The following CARF variants were observed in gnomAD, a reference collection of about 807,000 sequenced individuals.
CARF encodes the protein calcium responsive transcription factor, also known as calcium-responsive transcription factor.
A neutral mutation model predicts 82.0 loss-of-function variants in CARF; 57 were observed. That is an observed-to-expected ratio of 0.70 (90% CI 0.56 to 0.87). The LOEUF (loss-of-function observed/expected upper bound fraction) is 0.87. Among genes scored for constraint, CARF ranks in the 40% least tolerant of loss-of-function variants. CARF has a pLI of 0.00. For missense variants in CARF, 771 were observed against 855.8 expected (o/e 0.90, Z 1.24); for synonymous variants, 268 against 290.1 (o/e 0.92, Z 0.77).
intron 3 of CARF, among the ~76,000 whole-genome samples, chr2:202,940,707 T>G (rs1375374926): frequency 6.6e-6 from 1 of 152,184 alleles, no homozygotes; most frequent in Non-Finnish European, 1.5e-5. Context: ...ACCAGCTATT[T>G]GTCCCAACTT....
At chr2:202,956,877 C>T (rs1345286791) in intron 8 of CARF, among the ~76,000 whole-genome samples, 1 of 152,160 alleles carries the variant, frequency 6.6e-6, no homozygotes, top group South Asian at 2.1e-4. Context: ...CAACCTCCAC[C>T]TCCCAGGTTC....
chr2:202,952,415 C>G, intron 5 of CARF, 144 bp from the exon 6 acceptor site: 2 of 778,048 alleles, frequency 2.6e-6, no homozygotes, highest in Non-Finnish European at 3.8e-6. Flanking sequence ...GTTTATGTGC[C>G]TCAATGTTTT....
chr2:202,973,932 CA>C (rs2059919043), intron 12 of CARF, among the ~76,000 whole-genome samples: 1 of 151,524 alleles, frequency 6.6e-6, no homozygotes, highest in Admixed American at 6.6e-5. Flanking sequence ...ACTAAAAATA[CA>C]AAAAATTAGC....
chr2:202,949,516 T>TTTATTTTTATTA (rs2058658060), intron 5 of CARF, among the ~76,000 whole-genome samples: 1 of 91,656 alleles, frequency 1.1e-5, no homozygotes, highest in Admixed American at 1.1e-4. Context: ...TTGTTATTTA[T>TTTATTTTTATTA]TTATTATTAT....
At position 202,952,429 on chromosome 2, in the gene CARF, C is replaced by G. The variant is rs1037312181; in HGVS notation, c.307-130C>G. 3 of 869,884 alleles carry G rather than the reference C, an allele frequency of 3.4e-6. No individual in the cohort carries two copies. The African/African-American group carries it at 5.1e-5, about 15-fold the overall frequency. 53.9% of individuals were successfully genotyped at this position (869,884 alleles called of 1,614,324 possible). ...TGTTTATGTGCCTCAATGTTTTCAT[C>G]TATAAAATGGGGGAAATCATAGAAT... On this transcript the variant is annotated intron_variant, in intron 5 of 16. Coordinates refer to ENST00000438828, the MANE Select transcript of CARF (RefSeq NM_024744.17).
chr2:202,938,497 C>G (rs991321233), intron 3 of CARF: 2 of 150,820 alleles, frequency 1.3e-5, no homozygotes, highest in Admixed American at 6.6e-5. Flanking sequence ...TCTTGAACTC[C>G]TGGCATCAAG....
chr2:202,972,674 T>TAAAAAAA (rs35376227), intron 12 of CARF, among the ~76,000 whole-genome samples: 3 of 103,008 alleles, frequency 2.9e-5, no homozygotes, highest in African/African-American at 3.8e-5. Context: ...AGACTCCGTC[T>TAAAAAAA]AAAAAAAAAA....
At chr2:202,917,301 T>C (rs541667289) in intron 1 of CARF, among the ~76,000 whole-genome samples, 1 of 150,704 alleles carries the variant, frequency 6.6e-6, no homozygotes, top group South Asian at 2.1e-4. Context: ...TAAAATCCAC[T>C]TTTTAAATGT....
chr2:202,966,898 C>T (rs2059575538), intron 9 of CARF, 80 bp from the exon 10 acceptor site: 4 of 1,375,930 alleles, frequency 2.9e-6, no homozygotes, highest in South Asian at 1.5e-5. Flanking sequence ...TTGACATTGC[C>T]ACCACCAAGT....
rs751792145 is a variant in CARF, at chr2:202,969,869, T to C, written c.954-50T>C. ...GACTTCTGGTTGATAAGATAGATTA[T>C]CTTGAGATTATAATATAATGAAACA... is the stretch of plus-strand genomic sequence containing the variant. On this transcript the variant is annotated intron_variant, in intron 10 of 16. Coordinates refer to ENST00000438828, the MANE Select transcript of CARF (RefSeq NM_024744.17). The C allele has an allele frequency of 5.9e-6, 7 of 1,194,640 alleles. No homozygotes were observed. In the South Asian group the frequency reaches 1.3e-4, roughly 22 times the overall value. The allele number at this position is 1,194,640 out of a possible 1,614,324, so 74.0% of individuals were successfully genotyped here.
chr2:202,940,008 A>G (rs1382152824), intron 3 of CARF, among the ~76,000 whole-genome samples: 1 of 151,482 alleles, frequency 6.6e-6, no homozygotes, highest in Non-Finnish European at 1.5e-5. Flanking sequence ...TAGTTTCAGC[A>G]GTTTTTCATT....
chr2:202,930,169 T>A (rs904043893), intron 3 of CARF, among the ~76,000 whole-genome samples: 9 of 152,170 alleles, frequency 5.9e-5, no homozygotes, highest in African/African-American at 1.9e-4. Context: ...TGCCTTAGCC[T>A]CCTGAATAGC....
intron 5 of CARF, 43 bp from the exon 6 acceptor site, chr2:202,952,516 T>G (rs1403272185): frequency 6.2e-7 from 1 of 1,601,250 alleles, no homozygotes; most frequent in Non-Finnish European, 8.5e-7. Context: ...GTTAAATCAG[T>G]CTAGGCATAT....
At position 202,974,321 on chromosome 2, in the gene CARF, G is replaced by C; in HGVS notation, c.1332-13G>C. Reference sequence around the variant, plus strand: ...ATGGTTTATGTCTTTATTCCATTTTGTATTCTTTACAGAAAATTTGTGGAA... The same window carrying C: ...ATGGTTTATGTCTTTATTCCATTTTCTATTCTTTACAGAAAATTTGTGGAA... On this transcript the variant is annotated splice_polypyrimidine_tract_variant and intron_variant, in intron 12 of 16. Transcript: ENST00000438828. 6.4e-7 allele frequency: 1 copy of C among 1,564,162 alleles called. No homozygotes were observed. The highest frequency in any genetic ancestry group is 8.6e-7 in the Non-Finnish European group (1 of 1,163,194).
chr2:202,928,967 C>G (rs1692369367), intron 3 of CARF, among the ~76,000 whole-genome samples: 1 of 152,060 alleles, frequency 6.6e-6, no homozygotes, highest in Admixed American at 6.6e-5. Flanking sequence ...TGACCTCAGG[C>G]AGTCCTCCAG....
intron 3 of CARF, among the ~76,000 whole-genome samples, chr2:202,936,878 C>G (rs1171145855): frequency 6.6e-6 from 1 of 152,194 alleles, no homozygotes; most frequent in Non-Finnish European, 1.5e-5. Context: ...TCACCAAATG[C>G]AAAGACATGA....
Position 202,942,792 on chromosome 2 carries a change from C to A in CARF, c.131C>A (p.Pro44His). 1 of 1,613,866 alleles carries A rather than the reference C, an allele frequency of 6.2e-7. No individual in the cohort carries two copies. Among genetic ancestry groups the A allele is most frequent in the Non-Finnish European group, 8.5e-7 (1 of 1,179,972 alleles). Residue 44 changes from proline (P) to histidine (H), a missense_variant, in exon 5 of 17, where the codon CCT becomes CAT. Coordinates refer to ENST00000438828, the MANE Select transcript of CARF (RefSeq NM_024744.17). ...RDSSFGQNDSPTVLPITTREA... is the reference protein window; with the variant it reads ...RDSSFGQNDSHTVLPITTREA... ...TCTTCCTTTGGACAAAATGATTCTCCTACAGTTTTGCCCATCACTACTCGT... is the reference window on the plus strand; with the variant it reads ...TCTTCCTTTGGACAAAATGATTCTCATACAGTTTTGCCCATCACTACTCGT...
chr2:202,930,968 C>CTTTTTTTTTTT (rs1007407230), intron 3 of CARF, among the ~76,000 whole-genome samples: 4 of 103,216 alleles, frequency 3.9e-5, no homozygotes, highest in Non-Finnish European at 6.0e-5. Flanking sequence ...TTTTTCTTTT[C>CTTTTTTTTTTT]TTTTTTTTTT....
In CARF at chr2:202,982,347, G is replaced by T; in HGVS notation, c.1965G>T (p.Glu655Asp). 1 of 1,614,138 alleles carries T rather than the reference G, an allele frequency of 6.2e-7. No homozygotes were observed. Among genetic ancestry groups the T allele is most frequent in the African/African-American group, 1.3e-5 (1 of 75,036 alleles). ...AGCTGGTAGAAGTTGGAGATGTTGAGGATACAGGGAATCTGGAAGGAACTG... is the reference window on the plus strand; with the variant it reads ...AGCTGGTAGAAGTTGGAGATGTTGATGATACAGGGAATCTGGAAGGAACTG... ...MDELVEVGDV[E>D]DTGNLEGTVH... The change falls in exon 16 of 17, where the codon GAG becomes GAT. Residue 655 changes from glutamate to aspartate, a missense_variant. By Grantham distance (45) the Glu-to-Asp change is conservative (BLOSUM62 2). Transcript: ENST00000438828.
Sources: gnomAD v4.1 joint callset for allele counts (sites outside exome capture counted in the v4.1 genomes callset) on GRCh38, gnomAD v4.1.1 for gene constraint, MANE v1.5 for transcripts, NCBI Gene and HGNC (gene_info 2026-07-23, HGNC 2026-07-21) for gene names.